VPS51: variants seen among roughly 807,000 people sequenced by gnomAD.
The protein encoded by VPS51 is vacuolar protein sorting-associated protein 51 homolog.
VPS51 carries 55 observed loss-of-function variants against 65.1 expected under a neutral mutation model. The observed-to-expected ratio is 0.84, with a 90% CI of 0.68 to 1.06. The LOEUF is 1.06. VPS51 is among the 50% of genes least tolerant of loss of function. The pLI, the probability that VPS51 is intolerant of heterozygous loss-of-function variation, is 0.00. For synonymous variants in VPS51, 473 were observed against 489.5 expected (o/e 0.97, Z 0.44); for missense variants, 943 against 1,101.6 (o/e 0.86, Z 2.04).
intron 2 of VPS51, among the ~76,000 whole-genome samples, chr11:65,098,743 A>G (rs1437547927): frequency 6.6e-6 from 1 of 152,222 alleles, no homozygotes; most frequent in Non-Finnish European, 1.5e-5. Flanking sequence ...CTGTGCTGGG[A>G]TATTTCTCAC....
chr11:65,111,077 G>A, intron 9 of VPS51: 1 of 724,292 alleles, frequency 1.4e-6, no homozygotes, highest in Non-Finnish European at 2.4e-6. Flanking sequence ...AGGGTTTTCT[G>A]TTCACCCATG....
intron 2 of VPS51, among the ~76,000 whole-genome samples, chr11:65,097,477 C>T (rs1947778919): frequency 6.6e-6 from 1 of 152,140 alleles, no homozygotes; most frequent in Non-Finnish European, 1.5e-5. Context: ...CCTTCTGGAT[C>T]CTACCAAAGC....
chr11:65,104,565 C>T lies in VPS51; in HGVS notation c.359-3016C>T, dbSNP rs773945939. On this transcript the variant is annotated intron_variant, in intron 2 of 9. Transcript: ENST00000279281. ...ATCCTCTAATTTTGAGTCATCCTGG[C>T]ATTCATGAAACAAAAACCCTTTTGT... is the stretch of plus-strand genomic sequence containing the variant. Among the ~76,000 whole-genome samples the T allele has an allele frequency of 1.7e-4, 26 of 152,142 alleles. 1 individual carries two copies. Among genetic ancestry groups the T allele is most frequent in the Non-Finnish European group, 5.9e-5 (4 of 68,038 alleles).
rs1388053123 is a variant in VPS51 at position 65,108,563 on chromosome 11, C to T, written c.1092C>T (p.Asp364=). 3 of 1,562,252 alleles carry T rather than the reference C, an allele frequency of 1.9e-6. No homozygotes were observed. Among genetic ancestry groups the T allele is most frequent in the Admixed American group, 1.9e-5 (1 of 53,494 alleles). Residue 364 remains aspartate (D), a synonymous_variant, in exon 5 of 10, where the codon GAC becomes GAT. Transcript: ENST00000279281. ...TGGCGCAGGAGCAGGGTGGTGGTGA[C>T]AACTCACTGCTGGTGCGGGCGCTGG... ...RRLAQEQGGG[D]NSLLVRALDR... is the part of the protein sequence containing the mutation.
chr11:65,108,407 G>T lies in VPS51; in HGVS notation c.936G>T (p.Val312=). 1 of 1,612,088 alleles carries T rather than the reference G, an allele frequency of 6.2e-7. No homozygotes were observed. Among genetic ancestry groups the T allele is most frequent in the Non-Finnish European group, 8.5e-7 (1 of 1,179,670 alleles). ...CCGACCATGGAGGCAGTGGCTTCGT[G>T]GGCGGCCTCTGCCAGGTGGCGGCGG... is the stretch of plus-strand genomic sequence containing the variant. ...EFTDHGGSGF[V]GGLCQVAAAY... is the part of the protein sequence containing the mutation. The change falls in exon 5 of 10, where the codon GTG becomes GTT. Residue 312 remains valine (V), a synonymous_variant. Coordinates refer to ENST00000279281, the MANE Select transcript of VPS51 (RefSeq NM_013265.4).
intron 2 of VPS51, among the ~76,000 whole-genome samples, chr11:65,106,748 C>A (rs1402331653): frequency 4.0e-5 from 2 of 50,092 alleles, no homozygotes; most frequent in Non-Finnish European, 6.4e-5. Flanking sequence ...GAGACTCAGT[C>A]TCAAAAAAAA....
At chr11:65,111,168 C>A in intron 9 of VPS51, 159 bp from the exon 10 acceptor site, 1 of 1,109,420 alleles carries the variant, frequency 9.0e-7, no homozygotes, top group Non-Finnish European at 1.3e-6. Context: ...CAGATGACGG[C>A]GCTAATATTG....
intron 2 of VPS51, among the ~76,000 whole-genome samples, chr11:65,103,886 C>A (rs1017944685): frequency 4.0e-5 from 6 of 151,050 alleles, no homozygotes; most frequent in Admixed American, 2.0e-4. Context: ...GTAACGTTTA[C>A]AGGGTGTTTT....
Position 65,109,833 on chromosome 11 carries a change from G to T in VPS51, c.1788G>T (p.Glu596Asp). 6.2e-7 allele frequency: 1 copy of T among 1,611,976 alleles called. No homozygotes were observed. Among genetic ancestry groups the T allele is most frequent in the Non-Finnish European group, 8.5e-7 (1 of 1,179,606 alleles). Reference sequence around the variant, plus strand: ...CACAGATGCTGCGCAAGAGCGTGGAGACTCGCGACTGGCTCAGCACTCTGG... The same window carrying T: ...CACAGATGCTGCGCAAGAGCGTGGATACTCGCGACTGGCTCAGCACTCTGG... ...VISQMLRKSV[E>D]TRDWLSTLEP... The change falls in exon 7 of 10, where the codon GAG becomes GAT. Residue 596 changes from glutamate to aspartate, a missense_variant. By Grantham distance (45) the Glu-to-Asp change is conservative. Around this residue, in one of 2 missense-constraint regions of VPS51, gnomAD observed 855 missense variants for 953.7 expected, o/e 0.90. Transcript: ENST00000279281.
Position 65,107,878 on chromosome 11 carries a change from G to A in VPS51, c.581G>A (p.Gly194Asp). 1.3e-6 allele frequency: 2 copies of A among 1,551,282 alleles called. No individual in the cohort carries two copies. The highest frequency in any genetic ancestry group is 1.2e-5 in the South Asian group (1 of 84,564). ...PSRLTKCVELGAYGQAVRYQG... is the reference protein window; with the variant it reads ...PSRLTKCVELDAYGQAVRYQG... ...CGCCTCACCAAGTGCGTGGAACTGG[G>A]CGCCTATGGGCAGGCGGTGCGCTAC... Residue 194 changes from glycine to aspartate, a missense_variant, in exon 4 of 10, where the codon GGC becomes GAC. By Grantham distance (94) the Gly-to-Asp change is moderately conservative. This residue lies in a region of VPS51 where 855 missense variants were observed against 953.7 expected (regional missense o/e 0.90). Transcript: ENST00000279281. The surrounding 1 kb of genome is among the most constrained non-coding windows in gnomAD (Gnocchi z 4.0).
At chr11:65,105,696 T>G (rs533179331) in intron 2 of VPS51, among the ~76,000 whole-genome samples, 2 of 152,260 alleles carry the variant, frequency 1.3e-5, no homozygotes, top group South Asian at 2.1e-4. Flanking sequence ...ACTAGTTCAG[T>G]CCCAAATCTG....
chr11:65,110,976 T>A, intron 9 of VPS51, 195 bp downstream of exon 9: 1 of 692,976 alleles, frequency 1.4e-6, no homozygotes, highest in South Asian at 1.8e-5. Flanking sequence ...CTTGTCCCAG[T>A]CTTGGTGTAT....
At position 65,108,261 on chromosome 11, in the gene VPS51, C is replaced by A. The variant is rs1456445130; in HGVS notation, c.790C>A (p.Pro264Thr). 13 of 1,598,544 alleles carry A rather than the reference C, an allele frequency of 8.1e-6. No individual in the cohort carries two copies. Among genetic ancestry groups the A allele is most frequent in the Non-Finnish European group, 1.1e-5 (13 of 1,173,810 alleles). Reference protein sequence around the residue: ...CVELLLALGEPAEELCEEFLA... With the variant: ...CVELLLALGETAEELCEEFLA... ...GGAGCTGCTGCTGGCCCTGGGCGAG[C>A]CTGCGGAGGAGCTGTGCGAGGAGTT... is the stretch of plus-strand genomic sequence containing the variant. Residue 264 changes from proline (P) to threonine (T), a missense_variant, in exon 5 of 10, where the codon CCT becomes ACT. Coordinates refer to ENST00000279281, the MANE Select transcript of VPS51 (RefSeq NM_013265.4).
Position 65,110,549 on chromosome 11 carries a change from C to T in VPS51, c.1946C>T (p.Ser649Phe). Residue 649 changes from serine (S) to phenylalanine (F), a missense_variant, in exon 8 of 10, where the codon TCC becomes TTC. Around this residue, in one of 2 missense-constraint regions of VPS51, gnomAD observed 855 missense variants for 953.7 expected, o/e 0.90. Transcript: ENST00000279281. ...AGCGACTCCAGCAAGAGGACTTTCT[C>T]CGTGTACAGCAGCTCTCGGCAGCAG... Reference protein sequence around the residue: ...QSSDSSKRTFSVYSSSRQQGR... With the variant: ...QSSDSSKRTFFVYSSSRQQGR... The T allele has an allele frequency of 1.2e-6, 2 of 1,614,034 alleles. No individual in the cohort carries two copies. Among genetic ancestry groups the T allele is most frequent in the Non-Finnish European group, 1.7e-6 (2 of 1,180,010 alleles).
chr11:65,098,471 A>C (rs1326237012), intron 2 of VPS51, among the ~76,000 whole-genome samples: 1 of 152,058 alleles, frequency 6.6e-6, no homozygotes, highest in African/African-American at 2.4e-5. Context: ...TGTTTTGAGG[A>C]GATGTACTAC....
In VPS51 at chr11:65,097,138, C is replaced by T. The variant is rs758197042; in HGVS notation, c.358+11C>T. The T allele has an allele frequency of 2.5e-6, 4 of 1,613,628 alleles. No homozygotes were observed. Among genetic ancestry groups the T allele is most frequent in the Middle Eastern group, 1.6e-4 (1 of 6,062 alleles). On this transcript the variant is annotated intron_variant, in intron 2 of 9. Coordinates refer to ENST00000279281, the MANE Select transcript of VPS51 (RefSeq NM_013265.4). ...TCATCTCAGCCACAGGTGATCCCCACGGGGACACACCCTCCAAAGTCTCAC... is the reference window on the plus strand; with the variant it reads ...TCATCTCAGCCACAGGTGATCCCCATGGGGACACACCCTCCAAAGTCTCAC...
intron 2 of VPS51, among the ~76,000 whole-genome samples, chr11:65,102,075 A>G (rs572746108): frequency 3.2e-4 from 45 of 141,348 alleles, no homozygotes; most frequent in African/African-American, 1.2e-3. Flanking sequence ...GCTAGAGTGC[A>G]GTGGCCCAAT....
Position 65,110,691 on chromosome 11 carries a change from C to T in VPS51, c.2001-3C>T, listed in dbSNP as rs1353672774. 2.5e-6 allele frequency: 4 copies of T among 1,614,086 alleles called. No individual in the cohort carries two copies. The highest frequency in any genetic ancestry group is 3.4e-6 in the Non-Finnish European group (4 of 1,180,038). On this transcript the variant is annotated splice_polypyrimidine_tract_variant and splice_region_variant and intron_variant, in intron 8 of 9. Coordinates refer to ENST00000279281, the MANE Select transcript of VPS51 (RefSeq NM_013265.4). ...CTCTGATTCCTTGTCTTCCCCAATCCAGTGCCCCGATGGACACCAACCTCT... is the reference window on the plus strand; with the variant it reads ...CTCTGATTCCTTGTCTTCCCCAATCTAGTGCCCCGATGGACACCAACCTCT...
chr11:65,103,008 G>A (rs1331475551), intron 2 of VPS51, among the ~76,000 whole-genome samples: 1 of 152,194 alleles, frequency 6.6e-6, no homozygotes, highest in Non-Finnish European at 1.5e-5. Flanking sequence ...TAAAAAATTA[G>A]CCGGGTGTGA....
Sources: gnomAD v4.1 joint callset for allele counts (sites outside exome capture counted in the v4.1 genomes callset) on GRCh38, gnomAD v4.1.1 for gene constraint, gnomAD v4.1.1 regional missense constraint, Gnocchi (gnomAD v3.1) non-coding constraint, MANE v1.5 for transcripts, NCBI Gene and HGNC (gene_info 2026-07-23, HGNC 2026-07-21) for gene names.